The following CSMD1 variants were observed in gnomAD, a reference collection of about 807,000 sequenced individuals.
CSMD1 encodes CUB and sushi domain-containing protein 1.
Under a neutral mutation model 417.5 loss-of-function variants are expected in CSMD1, and 213 were observed. The ratio of observed to expected loss-of-function variants is 0.51; its 90% CI spans 0.46 to 0.57. The LOEUF is 0.57. CSMD1 is among the 20% of genes least tolerant of loss of function. The pLI is 0.00. For synonymous variants in CSMD1, 2,862 were observed against 1,736.8 expected, an observed-to-expected ratio of 1.65 and a Z score of -16.11; for missense variants, 6,923 against 4,529.7, an observed-to-expected ratio of 1.53 and a Z score of -15.17.
chr8:4,645,583 G>C (rs377494588), intron 1 of CSMD1, among the ~76,000 whole-genome samples: 1 of 151,846 alleles, frequency 6.6e-6, no homozygotes, highest in Non-Finnish European at 1.5e-5. Flanking sequence ...GTTTCCACAG[G>C]TGCGGGATGA....
At position 3,268,950 on chromosome 8, in the gene CSMD1, T is replaced by C. The variant is rs545724514; in HGVS notation, c.4153+15194A>G. On this transcript the variant is annotated intron_variant, in intron 26 of 69. Transcript: ENST00000635120. ...TATTTTTTATAGAAAGAAGCTGATA[T>C]TCTATTGAGTAATAAGTATTAAACC... Among the ~76,000 whole-genome samples, 15 of 152,336 alleles carry C rather than the reference T, an allele frequency of 9.8e-5. No homozygotes were observed. In the South Asian group the frequency reaches 2.7e-3, roughly 27 times the overall value.
At chr8:3,326,609 G>A (rs1806549804) in intron 23 of CSMD1, among the ~76,000 whole-genome samples, 1 of 152,170 alleles carries the variant, frequency 6.6e-6, no homozygotes, top group South Asian at 2.1e-4. Flanking sequence ...CGTAAACCAG[G>A]AATTGTATGT....
intron 5 of CSMD1, among the ~76,000 whole-genome samples, chr8:3,863,881 C>G (rs747307103): frequency 2.0e-5 from 3 of 151,918 alleles, no homozygotes; most frequent in Admixed American, 6.6e-5. Context: ...TTCAAAGATT[C>G]GTATGATGAC....
intron 2 of CSMD1, among the ~76,000 whole-genome samples, chr8:4,458,512 T>C (rs1204933902): frequency 1.3e-5 from 2 of 152,202 alleles, no homozygotes; most frequent in Admixed American, 1.3e-4. Context: ...ATGAAAATTC[T>C]GTATAGTGTG....
At chr8:3,242,329 G>C (rs1165256074) in intron 26 of CSMD1, among the ~76,000 whole-genome samples, 31 of 150,514 alleles carry the variant, frequency 2.1e-4, no homozygotes, top group Admixed American at 1.1e-3. Flanking sequence ...AGAAAAGGAA[G>C]ACTAGAAAGA....
chr8:4,261,560 ATTTAT>A (rs1272885214), intron 3 of CSMD1, among the ~76,000 whole-genome samples: 27 of 151,972 alleles, frequency 1.8e-4, no homozygotes, highest in Non-Finnish European at 3.2e-4. Context: ...AGATCTTTTT[ATTTAT>A]TTTATTTTAC....
chr8:3,453,990 G>C (rs577260579), intron 12 of CSMD1, among the ~76,000 whole-genome samples: 11 of 152,204 alleles, frequency 7.2e-5, no homozygotes, highest in African/African-American at 1.7e-4. Flanking sequence ...ATGAATCTGG[G>C]TGCTCCTGTA....
chr8:4,153,398 G>C (rs1454730457), intron 3 of CSMD1, among the ~76,000 whole-genome samples: 1 of 152,178 alleles, frequency 6.6e-6, no homozygotes, highest in African/African-American at 2.4e-5. Context: ...GCAGTTCTAG[G>C]TTCCCTAGCC....
chr8:4,246,395 C>T (rs1802711151), intron 3 of CSMD1, among the ~76,000 whole-genome samples: 1 of 152,136 alleles, frequency 6.6e-6, no homozygotes, highest in South Asian at 2.1e-4. Context: ...TCTGCAGCTG[C>T]TGTTGTGAAG....
chr8:4,679,161 A>G (rs888134288), intron 1 of CSMD1, among the ~76,000 whole-genome samples: 2 of 152,122 alleles, frequency 1.3e-5, no homozygotes, highest in Non-Finnish European at 1.5e-5. Flanking sequence ...AAGATCAACC[A>G]CAACGCAAGT....
intron 25 of CSMD1, among the ~76,000 whole-genome samples, chr8:3,305,594 T>G (rs990229488): frequency 2.0e-5 from 3 of 151,584 alleles, no homozygotes; most frequent in Non-Finnish European, 4.4e-5. Flanking sequence ...GCTCTCACCA[T>G]GTGGACTCAT....
At chr8:3,628,423 G>C (rs961160068) in intron 7 of CSMD1, among the ~76,000 whole-genome samples, 2 of 152,210 alleles carry the variant, frequency 1.3e-5, no homozygotes, top group Non-Finnish European at 2.9e-5. Context: ...AATAGGGCAA[G>C]GCTTCCATTA....
intron 18 of CSMD1, among the ~76,000 whole-genome samples, chr8:3,379,559 A>C (rs1810507531): frequency 1.3e-5 from 2 of 152,216 alleles, no homozygotes; most frequent in African/African-American, 2.4e-5. Context: ...TATATAGACC[A>C]ATGGAACAGA....
Position 4,124,560 on chromosome 8 carries a change from C to A in CSMD1, c.416-92461G>T, listed in dbSNP as rs551721155. ...GAACTTACAGAAGCTTTGTGGCCAC[C>A]TGCGCCCGGTAGTGGGGACCATCTG... On this transcript the variant is annotated intron_variant, in intron 3 of 69. Coordinates refer to ENST00000635120, the MANE Select transcript of CSMD1 (RefSeq NM_033225.6). Among the ~76,000 whole-genome samples the A allele has an allele frequency of 1.8e-4, 28 of 152,290 alleles. No homozygotes were observed. The South Asian group carries it at 5.2e-3, about 28-fold the overall frequency.
intron 5 of CSMD1, among the ~76,000 whole-genome samples, chr8:3,982,160 A>T (rs1055729738): frequency 1.3e-4 from 12 of 89,516 alleles, no homozygotes; most frequent in Non-Finnish European, 2.2e-4. Context: ...TCTATCTCAA[A>T]AATAATAATA....
chr8:4,654,510 T>C (rs534569161), intron 1 of CSMD1, among the ~76,000 whole-genome samples: 2 of 152,206 alleles, frequency 1.3e-5, no homozygotes, highest in Admixed American at 6.5e-5. Context: ...AGGCAATGCA[T>C]ATACTTCTTA....
chr8:3,940,436 G>A (rs1285995096), intron 5 of CSMD1, among the ~76,000 whole-genome samples: 3 of 151,246 alleles, frequency 2.0e-5, no homozygotes, highest in Non-Finnish European at 4.4e-5. Flanking sequence ...TTGTAAAGAA[G>A]TAAAACATAA....
intron 7 of CSMD1, among the ~76,000 whole-genome samples, chr8:3,618,651 G>A (rs1802263464): frequency 6.6e-6 from 1 of 151,894 alleles, no homozygotes; most frequent in Admixed American, 6.6e-5. Flanking sequence ...TTTCCCTATG[G>A]AAACACCAAA....
At chr8:4,232,005 G>A (rs566911976) in intron 3 of CSMD1, among the ~76,000 whole-genome samples, 6 of 152,114 alleles carry the variant, frequency 3.9e-5, no homozygotes, top group African/African-American at 1.2e-4. Context: ...CAAAGCCATC[G>A]ACATAGGACG....
Sources: allele counts gnomAD v4.1 joint callset (sites outside exome capture counted in the v4.1 genomes callset), GRCh38; gene constraint gnomAD v4.1.1; transcripts MANE v1.5; gene names NCBI Gene and HGNC (gene_info 2026-07-23, HGNC 2026-07-21).